Variants in SYNJ2BP observed in about 807,000 individuals in gnomAD.
SYNJ2BP encodes synaptojanin 2 binding protein, also known as synaptojanin-2-binding protein.
SYNJ2BP carries 10 observed loss-of-function variants against 16.9 expected under a neutral mutation model. The observed-to-expected ratio is 0.59, with a 90% CI of 0.36 to 1.00. The LOEUF is 1.00. Ranked by LOEUF, SYNJ2BP falls within the 50% of genes least tolerant of loss-of-function variation. The probability of loss-of-function intolerance (pLI) is 0.01; values close to 1 mark genes in which losing one functional copy is unlikely to be tolerated. For synonymous variants in SYNJ2BP, 54 were observed against 68.4 expected, an observed-to-expected ratio of 0.79 and a Z score of 1.04; for missense variants, 162 against 186.7, an observed-to-expected ratio of 0.87 and a Z score of 0.77.
chr14:70,397,759 A>C (rs1888133756), intron 1 of SYNJ2BP, among the ~76,000 whole-genome samples: 1 of 152,222 alleles, frequency 6.6e-6, no homozygotes, highest in Non-Finnish European at 1.5e-5. Context: ...CAATGTGGCA[A>C]GCAAGGGGCA....
At chr14:70,410,579 G>T (rs1888450669) in intron 1 of SYNJ2BP, among the ~76,000 whole-genome samples, 1 of 151,930 alleles carries the variant, frequency 6.6e-6, no homozygotes, top group African/African-American at 2.4e-5. Context: ...GTTCACTGCA[G>T]CACTATCCAT....
intron 1 of SYNJ2BP, among the ~76,000 whole-genome samples, chr14:70,402,902 T>G (rs1261980923): frequency 2.0e-5 from 3 of 152,182 alleles, no homozygotes; most frequent in Non-Finnish European, 4.4e-5. Context: ...AAATCTCCAT[T>G]TGTAAGGACA....
intron 3 of SYNJ2BP, among the ~76,000 whole-genome samples, chr14:70,375,118 C>T (rs1457678194): frequency 6.6e-6 from 1 of 150,752 alleles, no homozygotes; most frequent in Non-Finnish European, 1.5e-5. Flanking sequence ...GGTTGTCAAG[C>T]TTTATCTTTA....
At chr14:70,375,121 T>C (rs1887597731) in intron 3 of SYNJ2BP, among the ~76,000 whole-genome samples, 1 of 151,796 alleles carries the variant, frequency 6.6e-6, no homozygotes, top group Admixed American at 6.6e-5. Context: ...TGTCAAGCTT[T>C]ATCTTTAAGG....
rs1289150885 is a variant in SYNJ2BP at position 70,368,752 on chromosome 14, AAT to A, written c.*4237_*4238del. On this transcript the variant is annotated 3_prime_UTR_variant, in exon 4 of 4. Coordinates refer to ENST00000256366, the MANE Select transcript of SYNJ2BP (RefSeq NM_018373.3). ...GCAATGTATGTAATTTAATAATTTA[AAT>A]AGTGTTTAATTAAATAGTGTCTTGT... The A allele has an allele frequency of 2.0e-5, 3 of 151,654 alleles. No homozygotes were observed. Among genetic ancestry groups the A allele is most frequent in the African/African-American group, 7.2e-5 (3 of 41,390 alleles). 9.4% of individuals were successfully genotyped at this position (151,654 alleles called of 1,614,324 possible).
intron 1 of SYNJ2BP, among the ~76,000 whole-genome samples, chr14:70,401,062 T>C (rs1888225115): frequency 2.0e-5 from 3 of 152,180 alleles, no homozygotes; most frequent in Admixed American, 6.5e-5. Context: ...GGACATCCTC[T>C]TGTAAATATC....
At position 70,369,895 on chromosome 14, in the gene SYNJ2BP, GTAGGAACAT is replaced by G. The variant is rs1887481094; in HGVS notation, c.*3087_*3095del. 1 of 152,204 alleles carries G rather than the reference GTAGGAACAT, an allele frequency of 6.6e-6. No homozygotes were observed. The highest frequency in any genetic ancestry group is 1.5e-5 in the Non-Finnish European group (1 of 68,034). 9.4% of individuals were successfully genotyped at this position (152,204 alleles called of 1,614,324 possible). ...AACTTTGAACGTAATAATTTAGGTA[GTAGGAACAT>G]TAGATGCAATCTATAGAAGAAATAT... On this transcript the variant is annotated 3_prime_UTR_variant, in exon 4 of 4. Transcript: ENST00000256366.
At chr14:70,402,044 C>T (rs576348762) in intron 1 of SYNJ2BP, among the ~76,000 whole-genome samples, 13 of 152,280 alleles carry the variant, frequency 8.5e-5, no homozygotes, top group Admixed American at 4.6e-4. Context: ...ACGACTCAGA[C>T]CCCTCAAGGA....
At chr14:70,395,272 A>C (rs2140847150) in intron 1 of SYNJ2BP, among the ~76,000 whole-genome samples, 1 of 152,376 alleles carries the variant, frequency 6.6e-6, no homozygotes, top group Non-Finnish European at 1.5e-5. Flanking sequence ...TATAAAGTAA[A>C]TGACCAGTGT....
intron 2 of SYNJ2BP, among the ~76,000 whole-genome samples, chr14:70,380,698 G>A (rs61977552): frequency 0.48 from 72,970 of 151,016 alleles, 19,194 homozygotes; most frequent in Non-Finnish European, 0.58. Flanking sequence ...TAAAAACAAG[G>A]TATTTATATA....
In SYNJ2BP at chr14:70,399,346, G is replaced by C. The variant is rs114674109; in HGVS notation, c.65-10740C>G. 9.4e-3 allele frequency among the ~76,000 whole-genome samples: 1,439 copies of C among 152,316 alleles called. 27 individuals are homozygous for C. Among genetic ancestry groups the C allele is most frequent in the African/African-American group, 0.032 (1,345 of 41,576 alleles). ...CCCCAGGGCAGCAGGCTCCAGTGGG[G>C]TTCCTGCTTGTCCCTGGCTCCCACT... On this transcript the variant is annotated intron_variant, in intron 1 of 3. Transcript: ENST00000256366.
At chr14:70,405,834 G>T (rs548020870) in intron 1 of SYNJ2BP, among the ~76,000 whole-genome samples, 5 of 152,146 alleles carry the variant, frequency 3.3e-5, no homozygotes, top group African/African-American at 1.2e-4. Context: ...AATAAAAAGA[G>T]AAAAAGATGT....
At chr14:70,412,049 A>ATTT in intron 1 of SYNJ2BP, among the ~76,000 whole-genome samples, 1 of 152,226 alleles carries the variant, frequency 6.6e-6, no homozygotes, top group Non-Finnish European at 1.5e-5. Flanking sequence ...ATGAAACCCA[A>ATTT]AGCCTATGAC....
intron 1 of SYNJ2BP, among the ~76,000 whole-genome samples, chr14:70,409,154 A>C (rs539771233): frequency 1.3e-5 from 2 of 152,270 alleles, no homozygotes; most frequent in African/African-American, 2.4e-5. Flanking sequence ...GGCCTCAAGC[A>C]GTCCTCCTCC....
At chr14:70,390,699 G>A (rs1238016779) in intron 1 of SYNJ2BP, among the ~76,000 whole-genome samples, 1 of 151,900 alleles carries the variant, frequency 6.6e-6, no homozygotes, top group Non-Finnish European at 1.5e-5. Context: ...ACATATGCGG[G>A]CTTTCTGAAA....
At chr14:70,409,671 TTC>T (rs1161714319) in intron 1 of SYNJ2BP, among the ~76,000 whole-genome samples, 1 of 152,238 alleles carries the variant, frequency 6.6e-6, no homozygotes, top group African/African-American at 2.4e-5. Context: ...TTCTCCTTGT[TTC>T]TGATATCTTA....
chr14:70,401,851 A>G (rs1316105451), intron 1 of SYNJ2BP, among the ~76,000 whole-genome samples: 1 of 151,338 alleles, frequency 6.6e-6, no homozygotes, highest in Non-Finnish European at 1.5e-5. Context: ...GGGTCTTGCT[A>G]TTTTGCCCAG....
In SYNJ2BP at chr14:70,367,907, C is replaced by T. The variant is rs139040682; in HGVS notation, c.*5084G>A. The T allele has an allele frequency of 2.4e-4, 37 of 152,306 alleles. No individual in the cohort carries two copies. The East Asian group carries it at 7.1e-3, about 29-fold the overall frequency. The allele number at this position is 152,306 out of a possible 1,614,324, so 9.4% of individuals were successfully genotyped here. A position where few individuals can be genotyped will look rare whatever the true frequency, so the allele number is the denominator to read the frequency against. ...GACTAAGTGTTATTTATCTCTCTAT[C>T]TTCGGCACCTAGCACATAGTAGGCA... On this transcript the variant is annotated 3_prime_UTR_variant, in exon 4 of 4. Coordinates refer to ENST00000256366, the MANE Select transcript of SYNJ2BP (RefSeq NM_018373.3).
At chr14:70,411,812 C>T (rs1888479135) in intron 1 of SYNJ2BP, among the ~76,000 whole-genome samples, 1 of 152,198 alleles carries the variant, frequency 6.6e-6, no homozygotes, top group Non-Finnish European at 1.5e-5. Flanking sequence ...CTTTGCCCTC[C>T]CACTAACTAC....
Sources: allele counts gnomAD v4.1 joint callset (sites outside exome capture counted in the v4.1 genomes callset), GRCh38; gene constraint gnomAD v4.1.1; transcripts MANE v1.5; gene names NCBI Gene and HGNC (gene_info 2026-07-23, HGNC 2026-07-21).